ICA1L: variants seen among roughly 807,000 people sequenced by gnomAD.
The protein encoded by ICA1L is islet cell autoantigen 1 like, also known as islet cell autoantigen 1-like protein.
Under a neutral mutation model 61.3 loss-of-function variants are expected in ICA1L, and 50 were observed. The ratio of observed to expected loss-of-function variants is 0.82; its 90% CI spans 0.65 to 1.03. The LOEUF is 1.03. ICA1L is among the 50% of genes least tolerant of loss of function. ICA1L has a pLI of 0.00. For missense variants in ICA1L, 508 were observed against 556.7 expected (o/e 0.91, Z 0.88); for synonymous variants, 161 against 191.3 (o/e 0.84, Z 1.31).
chr2:202,807,972 C>T (rs1435821020), intron 9 of ICA1L, among the ~76,000 whole-genome samples: 1 of 152,196 alleles, frequency 6.6e-6, no homozygotes, highest in Non-Finnish European at 1.5e-5. Context: ...CAGCAGCACC[C>T]AGGCAGTACT....
intron 12 of ICA1L, among the ~76,000 whole-genome samples, chr2:202,782,490 C>T (rs914665511): frequency 1.2e-4 from 18 of 152,014 alleles, no homozygotes; most frequent in African/African-American, 4.3e-4. Flanking sequence ...TCACTGCAAC[C>T]TCTACCTCCC....
At chr2:202,843,950 C>T (rs1200442926) in intron 1 of ICA1L, among the ~76,000 whole-genome samples, 1 of 152,166 alleles carries the variant, frequency 6.6e-6, no homozygotes, top group Non-Finnish European at 1.5e-5. Flanking sequence ...CAATCCCTAC[C>T]TTATCAGAAG....
At chr2:202,846,933 C>T (rs577620860) in intron 1 of ICA1L, among the ~76,000 whole-genome samples, 2 of 152,322 alleles carry the variant, frequency 1.3e-5, no homozygotes, top group East Asian at 1.9e-4. Flanking sequence ...CTCCTGCTAA[C>T]AATCGAACAC....
At chr2:202,789,186 T>C (rs1039597809) in intron 10 of ICA1L, 99 bp from the exon 11 acceptor site, 1 of 974,298 alleles carries the variant, frequency 1.0e-6, no homozygotes, top group Non-Finnish European at 1.5e-6. Flanking sequence ...TTTCATACTG[T>C]ATTAACATAA....
intron 9 of ICA1L, among the ~76,000 whole-genome samples, chr2:202,810,516 T>C (rs1322846175): frequency 6.6e-6 from 1 of 152,188 alleles, no homozygotes; most frequent in Non-Finnish European, 1.5e-5. Context: ...CTGAGGAGGA[T>C]GTATGTCGCC....
rs575866416 is a variant in ICA1L at position 202,816,469 on chromosome 2, A to G, written c.685-460T>C. 2.4e-4 allele frequency among the ~76,000 whole-genome samples: 36 copies of G among 152,354 alleles called. 1 individual carries two copies. Among genetic ancestry groups the G allele is most frequent in the South Asian group, 4.1e-4 (2 of 4,828 alleles). ...CTGGCCTTTCATCTAGAGTTCAAGA[A>G]AGATTTGCCAAAAAATGTGTTCTCA... On this transcript the variant is annotated intron_variant, in intron 6 of 12. Transcript: ENST00000358299.
At chr2:202,795,744 T>A (rs1466389902) in intron 10 of ICA1L, among the ~76,000 whole-genome samples, 8 of 152,076 alleles carry the variant, frequency 5.3e-5, no homozygotes, top group African/African-American at 1.4e-4. Context: ...GATGGCATTT[T>A]AAAAAATTAT....
chr2:202,798,815 C>T (rs564438695), intron 9 of ICA1L, among the ~76,000 whole-genome samples: 19 of 152,186 alleles, frequency 1.2e-4, no homozygotes, highest in Non-Finnish European at 2.5e-4. Flanking sequence ...TATTTTTCTA[C>T]TCTCTACCTG....
intron 9 of ICA1L, among the ~76,000 whole-genome samples, chr2:202,803,400 CAAA>C (rs71030990): frequency 9.1e-4 from 55 of 60,662 alleles, no homozygotes; most frequent in African/African-American, 2.9e-3. Context: ...GACTCGATCT[CAAA>C]AAAAAAAAAA....
At chr2:202,808,307 G>A (rs1693280922) in intron 9 of ICA1L, among the ~76,000 whole-genome samples, 1 of 152,168 alleles carries the variant, frequency 6.6e-6, no homozygotes, top group South Asian at 2.1e-4. Flanking sequence ...GAGCCTTTGG[G>A]CCTTGGGTGA....
intron 1 of ICA1L, among the ~76,000 whole-genome samples, chr2:202,850,802 A>G (rs1185751203): frequency 6.6e-6 from 1 of 151,972 alleles, no homozygotes. Context: ...CACTTAAGAT[A>G]CTCCTCAAGA....
At chr2:202,797,527 C>T (rs1360399418) in intron 9 of ICA1L, among the ~76,000 whole-genome samples, 2 of 151,994 alleles carry the variant, frequency 1.3e-5, no homozygotes, top group African/African-American at 2.4e-5. Flanking sequence ...AATTGGTTGT[C>T]GTTGTTGTTT....
At chr2:202,871,468 G>A (rs2105897458) in intron 1 of ICA1L, 151 bp downstream of exon 1, 1 of 151,020 alleles carries the variant, frequency 6.6e-6, no homozygotes, top group Middle Eastern at 3.4e-3. Flanking sequence ...GGCCAGCAAG[G>A]CCCCGAGAAG....
chr2:202,835,430 T>A (rs1208721180), intron 1 of ICA1L, among the ~76,000 whole-genome samples: 2 of 151,854 alleles, frequency 1.3e-5, no homozygotes, highest in African/African-American at 4.8e-5. Flanking sequence ...GGTCTCAAAC[T>A]CTTGACCTCA....
At chr2:202,784,376 C>T (rs905166128) in intron 12 of ICA1L, among the ~76,000 whole-genome samples, 1 of 152,002 alleles carries the variant, frequency 6.6e-6, no homozygotes, top group African/African-American at 2.4e-5. Flanking sequence ...ACCTGGGAGG[C>T]GGAGGTTGCA....
chr2:202,824,942 TAGA>T (rs1693795806), intron 3 of ICA1L, among the ~76,000 whole-genome samples: 1 of 152,184 alleles, frequency 6.6e-6, no homozygotes, highest in African/African-American at 2.4e-5. Context: ...AAGCCAGATT[TAGA>T]AGGAGTTGGT....
chr2:202,840,308 C>A, intron 1 of ICA1L: 1 of 462,200 alleles, frequency 2.2e-6, no homozygotes, highest in Admixed American at 2.4e-5. Context: ...GAGGGGCACA[C>A]TGGGAGGAGC....
intron 10 of ICA1L, among the ~76,000 whole-genome samples, chr2:202,794,077 A>T: frequency 6.6e-6 from 1 of 152,126 alleles, no homozygotes; most frequent in East Asian, 1.9e-4. Context: ...TGGAATGCAA[A>T]CATGATATAG....
intron 8 of ICA1L, among the ~76,000 whole-genome samples, chr2:202,813,320 C>A (rs1439973834): frequency 6.6e-6 from 1 of 151,360 alleles, no homozygotes; most frequent in Non-Finnish European, 1.5e-5. Context: ...GACATTTTAT[C>A]AATGTTTATC....
Sources: allele counts gnomAD v4.1 joint callset (sites outside exome capture counted in the v4.1 genomes callset), GRCh38; gene constraint gnomAD v4.1.1; transcripts MANE v1.5; gene names NCBI Gene and HGNC (gene_info 2026-07-23, HGNC 2026-07-21).